The following DDX23 variants were observed in gnomAD, a reference collection of about 807,000 sequenced individuals.
The protein encoded by DDX23 is DEAD-box helicase 23, also known as probable ATP-dependent RNA helicase DDX23.
In DDX23, 33 loss-of-function variants were observed where a neutral mutation model predicts 102.7. The ratio of observed to expected loss-of-function variants is 0.32; its 90% CI spans 0.24 to 0.43. The LOEUF (loss-of-function observed/expected upper bound fraction) is 0.43, where lower values mean the gene tolerates loss of function less well. Ranked by LOEUF, DDX23 falls within the 20% of genes least tolerant of loss-of-function variation. The pLI is 1.00. For synonymous variants in DDX23, 352 were observed against 376.0 expected, an observed-to-expected ratio of 0.94 and a Z score of 0.74; for missense variants, 549 against 1,086.6, an observed-to-expected ratio of 0.51 and a Z score of 6.96.
intron 11 of DDX23, 141 bp from the exon 12 acceptor site, chr12:48,834,638 A>G (rs1464452321): frequency 1.2e-6 from 1 of 804,988 alleles, no homozygotes. Context: ...TCTCACTTAA[A>G]AATCAGAGGC....
intron 12 of DDX23, 83 bp from the exon 13 acceptor site, chr12:48,833,602 C>T (rs1938422532): frequency 6.6e-6 from 10 of 1,526,654 alleles, no homozygotes; most frequent in Middle Eastern, 1.8e-4. Context: ...ACTTGGGTGA[C>T]AGACCTCCAA....
intron 1 of DDX23, among the ~76,000 whole-genome samples, chr12:48,850,632 G>C (rs1938741445): frequency 1.3e-5 from 2 of 152,182 alleles, no homozygotes; most frequent in African/African-American, 2.4e-5. Context: ...TTTAACAGGA[G>C]TTAGCCACGG....
chr12:48,836,330 ATAG>A lies in DDX23; in HGVS notation c.1237-67_1237-65del. 1 of 1,569,098 alleles carries A rather than the reference ATAG, an allele frequency of 6.4e-7. No homozygotes were observed. The highest frequency in any genetic ancestry group is 8.8e-7 in the Non-Finnish European group (1 of 1,141,384). On this transcript the variant is annotated intron_variant, in intron 10 of 16. Transcript: ENST00000308025. This position sits in a 1 kb window ranked among gnomAD's most constrained non-coding sequence, Gnocchi z 6.1. ...AGTTATACCACCTGGGCAACCACTG[ATAG>A]TAGTAAGCACATCTGCTAGCACAAT...
chr12:48,830,239 G>A lies in DDX23; in HGVS notation c.*230C>T, dbSNP rs951382364. The A allele has an allele frequency of 1.1e-5, 7 of 658,720 alleles. No homozygotes were observed. In the African/African-American group the frequency reaches 1.2e-4, roughly 12 times the overall value. 40.8% of individuals were successfully genotyped at this position (658,720 alleles called of 1,614,324 possible). A position where few individuals can be genotyped will look rare whatever the true frequency, so the allele number is the denominator to read the frequency against. ...CCAAAGCAAAGAAGGGCAGAACTGG[G>A]CCAAGAAGCTGTGGTAATTTGCTCT... On this transcript the variant is annotated 3_prime_UTR_variant, in exon 17 of 17. Coordinates refer to ENST00000308025, the MANE Select transcript of DDX23 (RefSeq NM_004818.3). The surrounding 1 kb of genome is among the most constrained non-coding windows in gnomAD (Gnocchi z 4.9).
intron 5 of DDX23, 125 bp from the exon 6 acceptor site, chr12:48,838,205 A>C: frequency 1.7e-5 from 24 of 1,397,758 alleles, no homozygotes; most frequent in Non-Finnish European, 2.2e-5. Context: ...AGGAAAACAC[A>C]AATAGGCCTT....
rs1938615302 is a variant in DDX23, at chr12:48,843,813, G to A, written c.320+127C>T. The A allele has an allele frequency of 5.3e-6, 5 of 945,678 alleles. No individual in the cohort carries two copies. In the South Asian group the frequency reaches 7.5e-5, roughly 14 times the overall value. 58.6% of individuals were successfully genotyped at this position (945,678 alleles called of 1,614,324 possible). Reference sequence around the variant, plus strand: ...TCCACCAGCCTCAGCCTCCCAAAGTGCTGGGATTACAGGCGTGAGCCACCA... The same window carrying A: ...TCCACCAGCCTCAGCCTCCCAAAGTACTGGGATTACAGGCGTGAGCCACCA... On this transcript the variant is annotated intron_variant, in intron 3 of 16. Coordinates refer to ENST00000308025, the MANE Select transcript of DDX23 (RefSeq NM_004818.3).
chr12:48,833,528 T>C lies in DDX23; in HGVS notation c.1561-9A>G, dbSNP rs1465902537. The C allele has an allele frequency of 1.2e-6, 2 of 1,612,968 alleles. No homozygotes were observed. The highest frequency in any genetic ancestry group is 1.7e-5 in the Admixed American group (1 of 59,938). ...GGGGTAGCAATCACAATCTGAGGAG[T>C]ACAGTATAATCATTTATAGCCCAGC... is the stretch of plus-strand genomic sequence containing the variant. On this transcript the variant is annotated splice_polypyrimidine_tract_variant and intron_variant, in intron 12 of 16. Coordinates refer to ENST00000308025, the MANE Select transcript of DDX23 (RefSeq NM_004818.3).
At chr12:48,846,456 C>T (rs1938669363) in intron 1 of DDX23, among the ~76,000 whole-genome samples, 3 of 152,254 alleles carry the variant, frequency 2.0e-5, no homozygotes, top group East Asian at 1.9e-4. Context: ...AGCACTCATA[C>T]GTCTGAGAGA....
Position 48,833,537 on chromosome 12 carries a change from A to G in DDX23, c.1561-18T>C. ...ATCACAATCTGAGGAGTACAGTATA[A>G]TCATTTATAGCCCAGCAGGTGCCCC... On this transcript the variant is annotated intron_variant, in intron 12 of 16. Coordinates refer to ENST00000308025, the MANE Select transcript of DDX23 (RefSeq NM_004818.3). 1 of 1,611,126 alleles carries G rather than the reference A, an allele frequency of 6.2e-7. No individual in the cohort carries two copies.
In DDX23 at chr12:48,837,552, T is replaced by C; in HGVS notation, c.725A>G (p.Asp242Gly). 6.2e-7 allele frequency: 1 copy of C among 1,614,190 alleles called. No individual in the cohort carries two copies. The highest frequency in any genetic ancestry group is 8.5e-7 in the Non-Finnish European group (1 of 1,180,036). ...AATGGCATGCAGTTCCTTGCTCTTA[T>C]CCTTCTCTTCCCGGATCTTCTGCCG... ...EGRQKIREEK[D>G]KSKELHAIKE... Residue 242 changes from aspartate to glycine, a missense_variant, in exon 7 of 17, where the codon GAT becomes GGT. By Grantham distance (94) the Asp-to-Gly change is moderately conservative. Around this residue, in one of 4 missense-constraint regions of DDX23, gnomAD observed 270 missense variants for 707.0 expected, o/e 0.38. Transcript: ENST00000308025.
Position 48,830,171 on chromosome 12 carries a change from G to C in DDX23, c.*298C>G, listed in dbSNP as rs1370169539. ...TCAGTCTGGGGAGCAATGCCAACTG[G>C]CTGCCCCCATAGCCTGGCATGAGCT... On this transcript the variant is annotated 3_prime_UTR_variant, in exon 17 of 17. Transcript: ENST00000308025. This position sits in a 1 kb window ranked among gnomAD's most constrained non-coding sequence, Gnocchi z 4.9. 1.8e-6 allele frequency: 1 copy of C among 548,774 alleles called. No individual in the cohort carries two copies. The highest frequency in any genetic ancestry group is 3.5e-6 in the Non-Finnish European group (1 of 286,782). The allele number at this position is 548,774 out of a possible 1,614,324, so 34.0% of individuals were successfully genotyped here.
intron 8 of DDX23, 98 bp from the exon 9 acceptor site, chr12:48,837,135 G>A: frequency 6.4e-7 from 1 of 1,570,956 alleles, no homozygotes; most frequent in Non-Finnish European, 8.7e-7. Flanking sequence ...TCCCAGACAG[G>A]GTCTTTCTTC....
chr12:48,837,705 G>A, intron 6 of DDX23, 48 bp from the exon 7 acceptor site: 1 of 1,609,054 alleles, frequency 6.2e-7, no homozygotes, highest in Non-Finnish European at 8.5e-7. Context: ...TGGAAGAAAA[G>A]AGGAGAGGGA....
At chr12:48,849,612 T>C (rs911611102) in intron 1 of DDX23, among the ~76,000 whole-genome samples, 9 of 150,514 alleles carry the variant, frequency 6.0e-5, no homozygotes, top group African/African-American at 1.7e-4. Context: ...TGAGCCGAGA[T>C]AGTGCCACTG....
At chr12:48,837,468 TAACTA>T in intron 7 of DDX23, 51 bp downstream of exon 7, 4 of 1,613,088 alleles carry the variant, frequency 2.5e-6, no homozygotes, top group Non-Finnish European at 3.4e-6. Flanking sequence ...AATGGCCAAA[TAACTA>T]AACCTCATTT....
intron 3 of DDX23, among the ~76,000 whole-genome samples, chr12:48,842,174 G>T (rs957323143): frequency 7.0e-5 from 6 of 86,206 alleles, no homozygotes; most frequent in African/African-American, 1.1e-4. Flanking sequence ...GGAGGGAGGT[G>T]GGGGGGGTTA....
chr12:48,836,952 G>GT lies in DDX23; in HGVS notation c.951dup (p.Arg318ThrfsTer28). ...TTCTCCATTAGGTCTCCATAGAAACGTGACTGCTCTCGCTTCTGCTGCTTG... is the reference window on the plus strand; with the variant it reads ...TTCTCCATTAGGTCTCCATAGAAACGTTGACTGCTCTCGCTTCTGCTGCTTG... On this transcript the variant is annotated frameshift_variant, in exon 9 of 17. Transcript: ENST00000308025. LOFTEE classifies it high-confidence loss of function. This position sits in a 1 kb window ranked among gnomAD's most constrained non-coding sequence, Gnocchi z 6.1. 6.2e-7 allele frequency: 1 copy of GT among 1,613,910 alleles called. No homozygotes were observed. The highest frequency in any genetic ancestry group is 8.5e-7 in the Non-Finnish European group (1 of 1,180,032).
At position 48,831,024 on chromosome 12, in the gene DDX23, A is replaced by G. The variant is rs1938377896; in HGVS notation, c.2239+118T>C. 5 of 1,209,640 alleles carry G rather than the reference A, an allele frequency of 4.1e-6. No individual in the cohort carries two copies. In the South Asian group the frequency reaches 6.7e-5, roughly 16 times the overall value. 74.9% of individuals were successfully genotyped at this position (1,209,640 alleles called of 1,614,324 possible). A position where few individuals can be genotyped will look rare whatever the true frequency, so the allele number is the denominator to read the frequency against. ...GCTTCTCATGGGAGCAAGCAATCCC[A>G]GACTTGGAACTGAGGGAGGCAGTAA... On this transcript the variant is annotated intron_variant, in intron 16 of 16. Transcript: ENST00000308025.
Position 48,832,541 on chromosome 12 carries a change from C to A in DDX23, c.1836G>T (p.Ala612=). 1.9e-6 allele frequency: 3 copies of A among 1,614,154 alleles called. No individual in the cohort carries two copies. Among genetic ancestry groups the A allele is most frequent in the Non-Finnish European group, 2.5e-6 (3 of 1,180,004 alleles). The change falls in exon 14 of 17, where the codon GCG becomes GCT. Residue 612 remains alanine (A), a synonymous_variant. Transcript: ENST00000308025. This position sits in a 1 kb window ranked among gnomAD's most constrained non-coding sequence, Gnocchi z 4.4. ...GATAGCTCCTGGCCAGACGCTCCAC[C>A]GCTGGGGGCATGGTGGCCGTGAACA... ...TVMFTATMPP[A]VERLARSYLR... is the part of the protein sequence containing the mutation.
Sources: allele counts gnomAD v4.1 joint callset (sites outside exome capture counted in the v4.1 genomes callset), GRCh38; gene constraint gnomAD v4.1.1; regional missense constraint gnomAD v4.1.1; non-coding constraint Gnocchi (gnomAD v3.1); transcripts MANE v1.5; gene names NCBI Gene and HGNC (gene_info 2026-07-23, HGNC 2026-07-21).